The following TTBK1 variants were observed in gnomAD, a reference collection of about 807,000 sequenced individuals.
The protein encoded by TTBK1 is tau tubulin kinase 1.
Under a neutral mutation model 108.5 loss-of-function variants are expected in TTBK1, and 34 were observed. That is an observed-to-expected ratio of 0.31 (90% CI 0.24 to 0.42). The LOEUF (loss-of-function observed/expected upper bound fraction) is 0.42, where lower values mean the gene tolerates loss of function less well. TTBK1 is among the 10% of genes least tolerant of loss of function. The pLI, the probability that TTBK1 is intolerant of heterozygous loss-of-function variation, is 1.00. For synonymous variants in TTBK1, 809 were observed against 795.1 expected, an observed-to-expected ratio of 1.02 and a Z score of -0.29; for missense variants, 1,539 against 1,826.0, an observed-to-expected ratio of 0.84 and a Z score of 2.86.
At chr6:43,260,598 G>C (rs1427408167) in intron 12 of TTBK1, among the ~76,000 whole-genome samples, 1 of 152,198 alleles carries the variant, frequency 6.6e-6, no homozygotes, top group African/African-American at 2.4e-5. Flanking sequence ...GTGGTAGCCT[G>C]GAGTCCCTCT....
chr6:43,275,307 C>T (rs1276962584), intron 13 of TTBK1, among the ~76,000 whole-genome samples: 2 of 151,908 alleles, frequency 1.3e-5, no homozygotes, highest in Non-Finnish European at 2.9e-5. Context: ...GGCCCCGCCG[C>T]GCTCCCGCCC....
chr6:43,245,355 G>A (rs1199953933), intron 1 of TTBK1, among the ~76,000 whole-genome samples: 2 of 152,152 alleles, frequency 1.3e-5, no homozygotes, highest in Admixed American at 6.5e-5. Context: ...AAAAGTGTGA[G>A]GGAAAGAGAA....
chr6:43,246,721 G>C lies in TTBK1; in HGVS notation c.61G>C (p.Ala21Pro). The C allele has an allele frequency of 6.2e-7, 1 of 1,611,938 alleles. No individual in the cohort carries two copies. Among genetic ancestry groups the C allele is most frequent in the Non-Finnish European group, 8.5e-7 (1 of 1,179,132 alleles). The change falls in exon 2 of 15, where the codon GCC becomes CCC. Residue 21 changes from alanine (A) to proline (P), a missense_variant. Physicochemically the swap from Ala to Pro is conservative, Grantham distance 27 (BLOSUM62 -1). Around this residue, in one of 5 missense-constraint regions of TTBK1, gnomAD observed 45 missense variants for 38.0 expected, o/e 1.19. Coordinates refer to ENST00000259750, the MANE Select transcript of TTBK1 (RefSeq NM_032538.3). ...ETNMSGGGEQ[A>P]DILPANYVVK... is the part of the protein sequence containing the mutation. ...CAACATGAGTGGGGGAGGGGAGCAG[G>C]CCGACATCCTGCCGGCCAACTACGT...
Position 43,282,769 on chromosome 6 carries a change from C to G in TTBK1, c.2029C>G (p.Arg677Gly). Residue 677 changes from arginine (R) to glycine (G), a missense_variant, in exon 14 of 15, where the codon CGA becomes GGA. This residue lies in a region of TTBK1 where 1,055 missense variants were observed against 1,086.5 expected (regional missense o/e 0.97). Coordinates refer to ENST00000259750, the MANE Select transcript of TTBK1 (RefSeq NM_032538.3). This position sits in a 1 kb window ranked among gnomAD's most constrained non-coding sequence, Gnocchi z 5.4. ...CCCATTTGAGGTGAATGGCCTCCCA[C>G]GAGCTGTGCCTCTGAGTCTGCCCTA... ...APPFEVNGLP[R>G]AVPLSLPYQD... The G allele has an allele frequency of 1.2e-6, 2 of 1,613,066 alleles. No individual in the cohort carries two copies. The highest frequency in any genetic ancestry group is 1.7e-6 in the Non-Finnish European group (2 of 1,179,584).
At chr6:43,247,249 C>G (rs550078941) in intron 2 of TTBK1, among the ~76,000 whole-genome samples, 2 of 152,348 alleles carry the variant, frequency 1.3e-5, no homozygotes, top group Admixed American at 6.5e-5. Flanking sequence ...CCAGCCTCCT[C>G]CCCTCGCCGG....
intron 13 of TTBK1, chr6:43,270,408 T>G: frequency 1.0e-6 from 1 of 985,588 alleles, no homozygotes; most frequent in Non-Finnish European, 1.2e-6. Context: ...AAGACCCTCC[T>G]TGCATGGTGT....
chr6:43,259,448 CCT>C lies in TTBK1; in HGVS notation c.1249-80_1249-79del, dbSNP rs1344321191. ...TCGCTGTGTCTTCCATCATCATCAT[CCT>C]CTGTCTCCTTCACCCTGAGGAGACC... On this transcript the variant is annotated intron_variant, in intron 11 of 14. Coordinates refer to ENST00000259750, the MANE Select transcript of TTBK1 (RefSeq NM_032538.3). The surrounding 1 kb of genome is among the most constrained non-coding windows in gnomAD (Gnocchi z 6.7). 3 of 1,433,446 alleles carry C rather than the reference CCT, an allele frequency of 2.1e-6. No individual in the cohort carries two copies. The highest frequency in any genetic ancestry group is 1.9e-6 in the Non-Finnish European group (2 of 1,070,748). The allele number at this position is 1,433,446 out of a possible 1,614,324, so 88.8% of individuals were successfully genotyped here. A position where few individuals can be genotyped will look rare whatever the true frequency, so the allele number is the denominator to read the frequency against.
In TTBK1 at chr6:43,259,385, G is replaced by T; in HGVS notation, c.1248+116G>T. Reference sequence around the variant, plus strand: ...CCTGTCCCCGGCCATCTGCCTGCTTGCCCTGCCTCTGTTTCCCGGTCCCTC... The same window carrying T: ...CCTGTCCCCGGCCATCTGCCTGCTTTCCCTGCCTCTGTTTCCCGGTCCCTC... On this transcript the variant is annotated intron_variant, in intron 11 of 14. Transcript: ENST00000259750. The surrounding 1 kb of genome is among the most constrained non-coding windows in gnomAD (Gnocchi z 6.7). 2 of 1,254,850 alleles carry T rather than the reference G, an allele frequency of 1.6e-6. No individual in the cohort carries two copies. Among genetic ancestry groups the T allele is most frequent in the South Asian group, 1.5e-5 (1 of 65,034 alleles). 77.7% of individuals were successfully genotyped at this position (1,254,850 alleles called of 1,614,324 possible). A position where few individuals can be genotyped will look rare whatever the true frequency, so the allele number is the denominator to read the frequency against.
rs1440064489 is a variant in TTBK1, at chr6:43,253,749, G to A, written c.471+41G>A. On this transcript the variant is annotated intron_variant, in intron 5 of 14. Coordinates refer to ENST00000259750, the MANE Select transcript of TTBK1 (RefSeq NM_032538.3). The surrounding 1 kb of genome is among the most constrained non-coding windows in gnomAD (Gnocchi z 5.8). ...ACACGCCTCTCTGTTCCCTCCTCCAGAACACACCCCTAATTCTTTCCCTGG... is the reference window on the plus strand; with the variant it reads ...ACACGCCTCTCTGTTCCCTCCTCCAAAACACACCCCTAATTCTTTCCCTGG... The A allele has an allele frequency of 1.9e-6, 3 of 1,582,756 alleles. No individual in the cohort carries two copies. The highest frequency in any genetic ancestry group is 3.4e-4 in the Middle Eastern group (2 of 5,964).
At chr6:43,279,391 G>A (rs1484940310) in intron 13 of TTBK1, among the ~76,000 whole-genome samples, 2 of 152,202 alleles carry the variant, frequency 1.3e-5, no homozygotes, top group Admixed American at 6.5e-5. Context: ...GTGGCCTGGT[G>A]GAGTTAAAGG....
chr6:43,271,324 C>A, intron 13 of TTBK1: 7 of 985,422 alleles, frequency 7.1e-6, no homozygotes, highest in Non-Finnish European at 8.4e-6. Context: ...GGAAGGGCTG[C>A]CATGGATGAA....
At chr6:43,266,750 G>A (rs888698951) in intron 13 of TTBK1, among the ~76,000 whole-genome samples, 9 of 152,026 alleles carry the variant, frequency 5.9e-5, no homozygotes, top group African/African-American at 2.2e-4. Flanking sequence ...CCGAGAAGCT[G>A]GGATTACAGG....
At chr6:43,252,369 T>C (rs566919255) in intron 2 of TTBK1, among the ~76,000 whole-genome samples, 8 of 152,132 alleles carry the variant, frequency 5.3e-5, no homozygotes, top group Admixed American at 1.3e-4. Flanking sequence ...CTCATGCCTG[T>C]AATCCCAGCA....
At chr6:43,275,451 G>C (rs1777952447) in intron 13 of TTBK1, among the ~76,000 whole-genome samples, 1 of 151,744 alleles carries the variant, frequency 6.6e-6, no homozygotes, top group Admixed American at 6.6e-5. Context: ...GGGCGGGGGC[G>C]GGCTGGAGTG....
Position 43,282,664 on chromosome 6 carries a change from G to A in TTBK1, c.1987-63G>A. On this transcript the variant is annotated intron_variant, in intron 13 of 14. Coordinates refer to ENST00000259750, the MANE Select transcript of TTBK1 (RefSeq NM_032538.3). The surrounding 1 kb of genome is among the most constrained non-coding windows in gnomAD (Gnocchi z 5.4). ...AGTCTCCTAGGTTGTGGGTGCAGCT[G>A]AAGTCTTCCTGGGCCCAGGAGGGTG... 7.1e-7 allele frequency: 1 copy of A among 1,404,110 alleles called. No homozygotes were observed. The allele number at this position is 1,404,110 out of a possible 1,614,324, so 87.0% of individuals were successfully genotyped here.
In TTBK1 at chr6:43,263,190, A is replaced by G; in HGVS notation, c.1826A>G (p.Gln609Arg). The change falls in exon 13 of 15, where the codon CAG (glutamine) becomes CGG (arginine). Residue 609 changes from glutamine to arginine, a missense_variant. Coordinates refer to ENST00000259750, the MANE Select transcript of TTBK1 (RefSeq NM_032538.3). The surrounding 1 kb of genome is among the most constrained non-coding windows in gnomAD (Gnocchi z 4.7). ...CAGGCGCTGGCGGAGGAGGACCTGCAGCATTTGCCGCCCCAGCCCCTGCCA... is the reference window on the plus strand; with the variant it reads ...CAGGCGCTGGCGGAGGAGGACCTGCGGCATTTGCCGCCCCAGCCCCTGCCA... The part of the protein sequence containing the change: ...SMQALAEEDL[Q>R]HLPPQPLPPQ... 2 of 1,581,326 alleles carry G rather than the reference A, an allele frequency of 1.3e-6. No individual in the cohort carries two copies. The highest frequency in any genetic ancestry group is 1.7e-6 in the Non-Finnish European group (2 of 1,163,454).
At chr6:43,270,611 C>T (rs1053061878) in intron 13 of TTBK1, 2 of 985,242 alleles carry the variant, frequency 2.0e-6, no homozygotes, top group Admixed American at 6.2e-5. Flanking sequence ...CACATCTTAC[C>T]CCAGGAAGGC....
chr6:43,246,689 A>G lies in TTBK1; in HGVS notation c.29A>G (p.Asp10Gly). 1 of 1,611,338 alleles carries G rather than the reference A, an allele frequency of 6.2e-7. No homozygotes were observed. The highest frequency in any genetic ancestry group is 1.1e-5 in the South Asian group (1 of 90,764). MQCLAAALK[D>G]ETNMSGGGEQ... ...CAGTGCCTAGCGGCCGCCCTTAAGG[A>G]CGAAACCAACATGAGTGGGGGAGGG... Residue 10 changes from aspartate (D) to glycine (G), a missense_variant, in exon 2 of 15, where the codon GAC (aspartate) becomes GGC (glycine). Transcript: ENST00000259750.
rs1186186268 is a variant in TTBK1, at chr6:43,253,055, A to G, written c.256+169A>G. On this transcript the variant is annotated intron_variant, in intron 3 of 14. Coordinates refer to ENST00000259750, the MANE Select transcript of TTBK1 (RefSeq NM_032538.3). The surrounding 1 kb of genome is among the most constrained non-coding windows in gnomAD (Gnocchi z 5.8). ...GTGACGGAGCCAGAGTCTAGGAGAG[A>G]TGGGACCGGGGTCTAAGACAGTGAT... Among the ~76,000 whole-genome samples the G allele has an allele frequency of 6.6e-6, 1 of 152,042 alleles. No individual in the cohort carries two copies. The highest frequency in any genetic ancestry group is 1.5e-5 in the Non-Finnish European group (1 of 68,006).
Sources: gnomAD v4.1 joint callset for allele counts (sites outside exome capture counted in the v4.1 genomes callset) on GRCh38, gnomAD v4.1.1 for gene constraint, gnomAD v4.1.1 regional missense constraint, Gnocchi (gnomAD v3.1) non-coding constraint, MANE v1.5 for transcripts, NCBI Gene and HGNC (gene_info 2026-07-23, HGNC 2026-07-21) for gene names.